The following HAPLN2 variants were observed in gnomAD, a reference collection of about 807,000 sequenced individuals.
HAPLN2 encodes the protein brain link protein-1.
In HAPLN2, 27 loss-of-function variants were observed where a neutral mutation model predicts 29.3. The ratio of observed to expected loss-of-function variants is 0.92; its 90% CI spans 0.68 to 1.27. The LOEUF (loss-of-function observed/expected upper bound fraction) is 1.27, where lower values mean the gene tolerates loss of function less well. HAPLN2 is among the 50% of genes most tolerant of loss of function. The probability of loss-of-function intolerance (pLI) is 0.00; values close to 1 mark genes in which losing one functional copy is unlikely to be tolerated. For synonymous variants in HAPLN2, 208 were observed against 211.7 expected (o/e 0.98, Z 0.15); for missense variants, 454 against 484.3 (o/e 0.94, Z 0.59).
rs1372215716 is a variant in HAPLN2, at chr1:156,624,285, G to T, written c.440-66G>T. On this transcript the variant is annotated intron_variant, in intron 4 of 6. Transcript: ENST00000255039. ...GGACCCCAGCTCCCTCTCCCAGGCC[G>T]CGCCGCCCTTCCTCCCCCTCCGCTC... 6 of 1,512,924 alleles carry T rather than the reference G, an allele frequency of 4.0e-6. No individual in the cohort carries two copies. The South Asian group carries it at 6.2e-5, about 16-fold the overall frequency. 93.7% of individuals were successfully genotyped at this position (1,512,924 alleles called of 1,614,324 possible).
chr1:156,608,341 G>A, the HAPLN2 span, among the ~76,000 whole-genome samples: 25 of 152,128 alleles, frequency 1.6e-4, no homozygotes, highest in South Asian at 6.2e-4. Flanking sequence ...CATTCTCTCC[G>A]ATCTGGATGA....
upstream of HAPLN2, among the ~76,000 whole-genome samples, chr1:156,616,149 G>C (rs1366694014): frequency 6.6e-6 from 1 of 152,118 alleles, no homozygotes; most frequent in Middle Eastern, 3.2e-3. Flanking sequence ...GTGGGTGTTA[G>C]AGAAGGAGAT....
chr1:156,610,650 AAAG>A, the HAPLN2 span, among the ~76,000 whole-genome samples: 1 of 151,924 alleles, frequency 6.6e-6, no homozygotes, highest in Non-Finnish European at 1.5e-5. Flanking sequence ...CAAAAAAAAA[AAAG>A]AAAAGAAAAA....
the HAPLN2 span, among the ~76,000 whole-genome samples, chr1:156,613,685 G>A: frequency 3.3e-5 from 5 of 152,028 alleles, no homozygotes; most frequent in South Asian, 8.3e-4. Context: ...GGAGGCCAAG[G>A]CGGGTAGATC....
intron 6 of HAPLN2, 56 bp downstream of exon 6, chr1:156,624,839 C>A (rs1276131854): frequency 7.0e-7 from 1 of 1,438,290 alleles, no homozygotes; most frequent in East Asian, 2.5e-5. Context: ...ATGTGGGGGA[C>A]GAGGAGTGGA....
chr1:156,605,096 T>G, the HAPLN2 span, among the ~76,000 whole-genome samples: 1 of 151,736 alleles, frequency 6.6e-6, no homozygotes, highest in African/African-American at 2.4e-5. Flanking sequence ...TGAAACCCCG[T>G]CTCTACTAAA....
chr1:156,623,376 T>G (rs1171561821), intron 2 of HAPLN2, 91 bp from the exon 3 acceptor site: 1 of 1,101,822 alleles, frequency 9.1e-7, no homozygotes, highest in African/African-American at 1.5e-5. Flanking sequence ...CAGTCCCTTC[T>G]AGGATCTCTG....
In HAPLN2 at chr1:156,624,119, G is replaced by A. The variant is rs1172494034; in HGVS notation, c.398G>A (p.Gly133Asp). The A allele has an allele frequency of 7.4e-6, 12 of 1,613,510 alleles. No homozygotes were observed. The highest frequency in any genetic ancestry group is 1.7e-5 in the Admixed American group (1 of 59,968). Reference protein sequence around the residue: ...EGRYRCELINGIEDESVALTL... With the variant: ...EGRYRCELINDIEDESVALTL... Reference sequence around the variant, plus strand: ...CGGTACCGCTGCGAGCTCATCAACGGCATCGAGGACGAGAGCGTGGCGCTG... The same window carrying A: ...CGGTACCGCTGCGAGCTCATCAACGACATCGAGGACGAGAGCGTGGCGCTG... Residue 133 changes from glycine (G) to aspartate (D), a missense_variant, in exon 4 of 7, where the codon GGC becomes GAC. By Grantham distance (94) the Gly-to-Asp change is moderately conservative. This residue lies in a region of HAPLN2 where 204 missense variants were observed against 209.2 expected (regional missense o/e 0.98). Coordinates refer to ENST00000255039, the MANE Select transcript of HAPLN2 (RefSeq NM_021817.3).
upstream of HAPLN2, chr1:156,614,836 T>C (rs2102516977): frequency 6.6e-6 from 1 of 152,340 alleles, no homozygotes; most frequent in East Asian, 1.9e-4. Flanking sequence ...AATTGACCAT[T>C]ATAAACAGAA....
intron 6 of HAPLN2, 56 bp downstream of exon 6, chr1:156,624,839 C>T: frequency 2.1e-6 from 3 of 1,438,292 alleles, no homozygotes; most frequent in Non-Finnish European, 2.7e-6. Flanking sequence ...ATGTGGGGGA[C>T]GAGGAGTGGA....
the HAPLN2 span, among the ~76,000 whole-genome samples, chr1:156,611,266 T>C: frequency 1.4e-5 from 2 of 138,430 alleles, no homozygotes; most frequent in Non-Finnish European, 1.6e-5. Context: ...AGTGAGACCC[T>C]AAAAAAAAAA....
rs1416181843 is a variant in HAPLN2, at chr1:156,625,018, C to T, written c.740-83C>T. On this transcript the variant is annotated intron_variant, in intron 6 of 6. Transcript: ENST00000255039. This position sits in a 1 kb window ranked among gnomAD's most constrained non-coding sequence, Gnocchi z 5.7. The stretch of plus-strand genomic sequence containing the variant: ...GCTCGATCCAGCACCTCTGCGGTCC[C>T]GCACCCCAACTCCGCCTCCTGGGTG... 2 of 1,473,922 alleles carry T rather than the reference C, an allele frequency of 1.4e-6. No individual in the cohort carries two copies. The highest frequency in any genetic ancestry group is 2.5e-5 in the East Asian group (1 of 40,412). The allele number at this position is 1,473,922 out of a possible 1,614,324, so 91.3% of individuals were successfully genotyped here.
In HAPLN2 at chr1:156,625,172, G is replaced by T; in HGVS notation, c.811G>T (p.Val271Leu). ...AHAACRRRGA[V>L]VAKVGHLYAA... ...CGCGGCGTGCCGGCGACGCGGCGCC[G>T]TGGTGGCCAAGGTTGGGCACCTCTA... Residue 271 changes from valine (V) to leucine (L), a missense_variant, in exon 7 of 7, where the codon GTG becomes TTG. Val to Leu is a conservative substitution (Grantham distance 32). Transcript: ENST00000255039. This position sits in a 1 kb window ranked among gnomAD's most constrained non-coding sequence, Gnocchi z 5.7. 6.5e-7 allele frequency: 1 copy of T among 1,546,506 alleles called. No homozygotes were observed. Among genetic ancestry groups the T allele is most frequent in the Non-Finnish European group, 8.7e-7 (1 of 1,147,360 alleles).
the HAPLN2 span, among the ~76,000 whole-genome samples, chr1:156,606,198 AG>A: frequency 6.6e-6 from 1 of 152,090 alleles, no homozygotes; most frequent in African/African-American, 2.4e-5. Flanking sequence ...CGGGAGGCGG[AG>A]GTTGCAGTGA....
At chr1:156,610,225 A>G in the HAPLN2 span, among the ~76,000 whole-genome samples, 2 of 151,480 alleles carry the variant, frequency 1.3e-5, no homozygotes, top group African/African-American at 4.9e-5. Context: ...AAAAACAAAA[A>G]CAAACAAACA....
chr1:156,605,713 A>G, the HAPLN2 span, among the ~76,000 whole-genome samples: 2 of 152,304 alleles, frequency 1.3e-5, no homozygotes, highest in East Asian at 3.9e-4. Context: ...ACAAAGCTAC[A>G]GACTGTGGGG....
chr1:156,620,784 TAA>T (rs1488739833), intron 2 of HAPLN2, among the ~76,000 whole-genome samples: 1 of 152,210 alleles, frequency 6.6e-6, no homozygotes, highest in Non-Finnish European at 1.5e-5. Flanking sequence ...GTAAGTTCAT[TAA>T]ACCATACACA....
At position 156,625,399 on chromosome 1, in the gene HAPLN2, C is replaced by G; in HGVS notation, c.*15C>G. 9 of 1,558,696 alleles carry G rather than the reference C, an allele frequency of 5.8e-6. No homozygotes were observed. Among genetic ancestry groups the G allele is most frequent in the Non-Finnish European group, 7.8e-6 (9 of 1,152,346 alleles). ...CCGAGAATTAGGCGCCCACCGTGTC[C>G]CCTCCAGCGCGCGCGAAGAAGCTTG... is the stretch of plus-strand genomic sequence containing the variant. On this transcript the variant is annotated 3_prime_UTR_variant, in exon 7 of 7. Coordinates refer to ENST00000255039, the MANE Select transcript of HAPLN2 (RefSeq NM_021817.3). This position sits in a 1 kb window ranked among gnomAD's most constrained non-coding sequence, Gnocchi z 5.7.
chr1:156,603,515 G>T, the HAPLN2 span, among the ~76,000 whole-genome samples: 1 of 147,186 alleles, frequency 6.8e-6, no homozygotes, highest in Admixed American at 7.0e-5. Flanking sequence ...TTTCATATAT[G>T]TGTGTATGTA....
Sources: allele counts gnomAD v4.1 joint callset (sites outside exome capture counted in the v4.1 genomes callset), GRCh38; gene constraint gnomAD v4.1.1; regional missense constraint gnomAD v4.1.1; non-coding constraint Gnocchi (gnomAD v3.1); transcripts MANE v1.5; gene names NCBI Gene and HGNC (gene_info 2026-07-23, HGNC 2026-07-21).